MPRIP: variants seen among roughly 807,000 people sequenced by gnomAD.
MPRIP encodes the protein myosin phosphatase Rho-interacting protein.
In MPRIP, 59 loss-of-function variants were observed where a neutral mutation model predicts 234.9. That is an observed-to-expected ratio of 0.25 (90% confidence interval 0.20 to 0.31). The LOEUF is 0.31. Ranked by LOEUF, MPRIP falls within the 10% of genes least tolerant of loss-of-function variation. The probability of loss-of-function intolerance (pLI) is 1.00; values close to 1 mark genes in which losing one functional copy is unlikely to be tolerated. For missense variants in MPRIP, 2,436 were observed against 3,071.0 expected (o/e 0.79, Z 4.89); for synonymous variants, 1,144 against 1,263.9 (o/e 0.91, Z 2.01).
rs1195201442 is a variant in MPRIP, at chr17:17,191,706, A to G, written c.*6812A>G. 6.6e-6 allele frequency: 1 copy of G among 152,246 alleles called. No homozygotes were observed. The highest frequency in any genetic ancestry group is 1.5e-5 in the Non-Finnish European group (1 of 68,058). The allele number at this position is 152,246 out of a possible 1,614,324, so 9.4% of individuals were successfully genotyped here. ...CGCTGGCAGCCTCACGGTCACGCCC[A>G]TCACTCCCTGCCCCCCACTGCCCTT... is the stretch of plus-strand genomic sequence containing the variant. On this transcript the variant is annotated 3_prime_UTR_variant, in exon 24 of 24. Coordinates refer to ENST00000651222, the MANE Select transcript of MPRIP (RefSeq NM_001364716.4).
At chr17:17,180,749 A>G in intron 23 of MPRIP, 20 of 1,393,458 alleles carry the variant, frequency 1.4e-5, no homozygotes, top group Non-Finnish European at 1.9e-5. Flanking sequence ...CTTTATTTCA[A>G]TTCATCCTGC....
chr17:17,074,730 T>A (rs775773641), intron 1 of MPRIP, among the ~76,000 whole-genome samples: 1 of 152,230 alleles, frequency 6.6e-6, no homozygotes, highest in Non-Finnish European at 1.5e-5. Flanking sequence ...AGTGGAATTC[T>A]GTAATATGTG....
At chr17:17,099,781 T>C (rs1322270147) in intron 3 of MPRIP, among the ~76,000 whole-genome samples, 2 of 152,160 alleles carry the variant, frequency 1.3e-5, no homozygotes, top group African/African-American at 4.8e-5. Context: ...GGATTTGATC[T>C]CAAGTCAAGA....
intron 3 of MPRIP, among the ~76,000 whole-genome samples, chr17:17,081,070 C>A (rs1420687696): frequency 6.6e-6 from 1 of 152,252 alleles, no homozygotes; most frequent in East Asian, 1.9e-4. Flanking sequence ...CAGCTCTAAG[C>A]AGCCCGTGGC....
chr17:17,054,780 C>T (rs773369229), intron 1 of MPRIP, among the ~76,000 whole-genome samples: 3 of 150,966 alleles, frequency 2.0e-5, no homozygotes, highest in Non-Finnish European at 2.9e-5. Context: ...TCAGGTGCTG[C>T]GGCTCACACC....
rs2046551443 is a variant in MPRIP at position 17,189,827 on chromosome 17, T to A, written c.*4933T>A. On this transcript the variant is annotated 3_prime_UTR_variant, in exon 24 of 24. Transcript: ENST00000651222. ...CCAGAGACAACGTTTCGTTTCCCCT[T>A]CCCTGCAAGCTGGGATCAGCCCTGT... 1 of 152,228 alleles carries A rather than the reference T, an allele frequency of 6.6e-6. No individual in the cohort carries two copies. Among genetic ancestry groups the A allele is most frequent in the South Asian group, 2.1e-4 (1 of 4,822 alleles). The allele number at this position is 152,228 out of a possible 1,614,324, so 9.4% of individuals were successfully genotyped here. A position where few individuals can be genotyped will look rare whatever the true frequency, so the allele number is the denominator to read the frequency against.
intron 1 of MPRIP, 91 bp from the exon 2 acceptor site, chr17:17,075,619 C>A: frequency 9.2e-7 from 1 of 1,089,078 alleles, no homozygotes; most frequent in Non-Finnish European, 1.4e-6. Flanking sequence ...GAGGCAACAT[C>A]TGTTTCCAGC....
Position 17,175,287 on chromosome 17 carries a change from C to T in MPRIP, c.6751-6C>T. On this transcript the variant is annotated splice_polypyrimidine_tract_variant and splice_region_variant and intron_variant, in intron 19 of 23. Transcript: ENST00000651222. The stretch of plus-strand genomic sequence containing the variant: ...GGAGTGTCACTGTTGTGTTGCTGTC[C>T]CCCAGGAGCTGAACAACCGCCTGGC... The T allele has an allele frequency of 6.2e-7, 1 of 1,613,222 alleles. No homozygotes were observed. Among genetic ancestry groups the T allele is most frequent in the Non-Finnish European group, 8.5e-7 (1 of 1,179,982 alleles).
chr17:17,043,243 T>C (rs1015471762), intron 1 of MPRIP, among the ~76,000 whole-genome samples: 2 of 152,166 alleles, frequency 1.3e-5, no homozygotes, highest in African/African-American at 2.4e-5. Flanking sequence ...TTTCGCTTAG[T>C]AGGAACAAAG....
chr17:17,189,966 T>G lies in MPRIP; in HGVS notation c.*5072T>G, dbSNP rs988637703. 1.3e-5 allele frequency: 2 copies of G among 152,218 alleles called. No homozygotes were observed. Among genetic ancestry groups the G allele is most frequent in the African/African-American group, 4.8e-5 (2 of 41,458 alleles). 9.4% of individuals were successfully genotyped at this position (152,218 alleles called of 1,614,324 possible). ...GGAACTTGCTTATTAAAAAGTTCCTTAGAATTAAGGTATCTACCCACTGTT... is the reference window on the plus strand; with the variant it reads ...GGAACTTGCTTATTAAAAAGTTCCTGAGAATTAAGGTATCTACCCACTGTT... On this transcript the variant is annotated 3_prime_UTR_variant, in exon 24 of 24. Transcript: ENST00000651222.
At chr17:17,080,386 TGA>T (rs975616526) in intron 3 of MPRIP, among the ~76,000 whole-genome samples, 3 of 152,322 alleles carry the variant, frequency 2.0e-5, no homozygotes, top group African/African-American at 4.8e-5. Flanking sequence ...CGCCCTGAGC[TGA>T]GAGTCCCACC....
intron 3 of MPRIP, among the ~76,000 whole-genome samples, chr17:17,082,655 AG>A (rs1330486534): frequency 3.3e-5 from 5 of 152,136 alleles, no homozygotes; most frequent in African/African-American, 1.2e-4. Flanking sequence ...ATCGTTTTTA[AG>A]TGTGCAGTTC....
At chr17:17,107,834 C>T (rs1176325586) in intron 3 of MPRIP, among the ~76,000 whole-genome samples, 1 of 152,252 alleles carries the variant, frequency 6.6e-6, no homozygotes, top group African/African-American at 2.4e-5. Context: ...TTCCAGCTTG[C>T]ATGGGTTCCT....
At chr17:17,121,332 A>G (rs2090384263) in intron 3 of MPRIP, among the ~76,000 whole-genome samples, 1 of 152,268 alleles carries the variant, frequency 6.6e-6, no homozygotes. Flanking sequence ...AGTGGCAAGT[A>G]TTGATGTATC....
rs1326046379 is a variant in MPRIP, at chr17:17,192,117, T to A, written c.*7223T>A. 1.3e-5 allele frequency: 2 copies of A among 151,780 alleles called. No homozygotes were observed. The highest frequency in any genetic ancestry group is 4.8e-5 in the African/African-American group (2 of 41,302). The allele number at this position is 151,780 out of a possible 1,614,324, so 9.4% of individuals were successfully genotyped here. ...GCTGGGGCGCTATATGTGAACGGAG[T>A]GGAAATGCTTCAGTCACCTCTGCCG... is the stretch of plus-strand genomic sequence containing the variant. On this transcript the variant is annotated 3_prime_UTR_variant, in exon 24 of 24. Coordinates refer to ENST00000651222, the MANE Select transcript of MPRIP (RefSeq NM_001364716.4).
rs59748753 is a variant in MPRIP, at chr17:17,096,288, G to GGTGT, written c.267+18263_267+18266dup. Among the ~76,000 whole-genome samples, 60 of 136,584 alleles carry GGTGT rather than the reference G, an allele frequency of 4.4e-4. 1 individual carries two copies. Among genetic ancestry groups the GGTGT allele is most frequent in the Admixed American group, 1.6e-3 (22 of 13,700 alleles). 89.6% of individuals were successfully genotyped at this position (136,584 alleles called of 152,430 possible). On this transcript the variant is annotated intron_variant, in intron 3 of 23. Coordinates refer to ENST00000651222, the MANE Select transcript of MPRIP (RefSeq NM_001364716.4). ...CTTGGCAGGGTGTGTGTGTGTGCAG[G>GGTGT]GTGTGTGTGTGTGTGTGTGTGTGTG...
chr17:17,146,866 T>C (rs1249937342), intron 10 of MPRIP, among the ~76,000 whole-genome samples: 1 of 152,268 alleles, frequency 6.6e-6, no homozygotes, highest in Non-Finnish European at 1.5e-5. Context: ...AGACTTGGTC[T>C]CTAGCTGGTT....
intron 3 of MPRIP, among the ~76,000 whole-genome samples, chr17:17,111,839 C>T (rs1032609030): frequency 6.6e-6 from 1 of 152,142 alleles, no homozygotes; most frequent in Non-Finnish European, 1.5e-5. Context: ...CCCACTCACT[C>T]TCTGTTCCCA....
In MPRIP at chr17:17,164,152, A is replaced by G. The variant is rs1266696382; in HGVS notation, c.2561A>G (p.His854Arg). 3.1e-6 allele frequency: 4 copies of G among 1,304,288 alleles called. No individual in the cohort carries two copies. The South Asian group carries it at 3.7e-5, about 12-fold the overall frequency. 80.8% of individuals were successfully genotyped at this position (1,304,288 alleles called of 1,614,324 possible). The change falls in exon 16 of 24, where the codon CAT (histidine) becomes CGT (arginine). Residue 854 changes from histidine (H) to arginine (R), a missense_variant. Transcript: ENST00000651222. The stretch of plus-strand genomic sequence containing the variant: ...CCATCGGGTGCCTGGCAGAGGCTCC[A>G]TAGAGTCAACCAAGACCTTCAAAGT... ...ASPSGAWQRL[H>R]RVNQDLQSEL...
Sources: gnomAD v4.1 joint callset for allele counts (sites outside exome capture counted in the v4.1 genomes callset) on GRCh38, gnomAD v4.1.1 for gene constraint, MANE v1.5 for transcripts, NCBI Gene and HGNC (gene_info 2026-07-23, HGNC 2026-07-21) for gene names.